The following PXDNL variants were observed in gnomAD, a reference collection of about 807,000 sequenced individuals.
PXDNL encodes probable oxidoreductase PXDNL.
PXDNL carries 145 observed loss-of-function variants against 150.8 expected under a neutral mutation model. The ratio of observed to expected loss-of-function variants is 0.96; its 90% CI spans 0.84 to 1.10. The LOEUF (loss-of-function observed/expected upper bound fraction) is 1.10, where lower values mean the gene tolerates loss of function less well. Ranked by LOEUF, PXDNL falls within the 50% of genes least tolerant of loss-of-function variation. PXDNL has a pLI of 0.00. For missense variants in PXDNL, 2,087 were observed against 1,873.9 expected, an observed-to-expected ratio of 1.11 and a Z score of -2.10; for synonymous variants, 757 against 725.7, an observed-to-expected ratio of 1.04 and a Z score of -0.69.
intron 9 of PXDNL, among the ~76,000 whole-genome samples, chr8:51,454,798 G>A (rs1809889427): frequency 6.6e-6 from 1 of 152,194 alleles, no homozygotes; most frequent in Admixed American, 6.5e-5. Flanking sequence ...GAAAGATACA[G>A]AGATGAACAA....
intron 4 of PXDNL, among the ~76,000 whole-genome samples, chr8:51,530,062 T>G (rs573095731): frequency 1.9e-4 from 29 of 152,222 alleles, no homozygotes; most frequent in Non-Finnish European, 3.8e-4. Context: ...TTCTTGTGGA[T>G]ATAGGTTGAA....
intron 1 of PXDNL, among the ~76,000 whole-genome samples, chr8:51,801,563 T>C (rs2037620955): frequency 6.6e-6 from 1 of 152,130 alleles, no homozygotes; most frequent in Non-Finnish European, 1.5e-5. Context: ...GAGGCCCAGC[T>C]GTAAAATTCC....
intron 17 of PXDNL, among the ~76,000 whole-genome samples, chr8:51,387,114 ACCT>A (rs2130826754): frequency 6.6e-6 from 1 of 152,240 alleles, no homozygotes; most frequent in East Asian, 1.9e-4. Context: ...TATAGTTAAG[ACCT>A]CCTCAACTGT....
At chr8:51,680,301 CTTCAAAA>C (rs1485382395) in intron 1 of PXDNL, among the ~76,000 whole-genome samples, 9 of 152,156 alleles carry the variant, frequency 5.9e-5, no homozygotes, top group Non-Finnish European at 1.3e-4. Flanking sequence ...GAGTTGTCGT[CTTCAAAA>C]CACAGAAAAC....
chr8:51,655,416 G>A (rs769027346), intron 1 of PXDNL, among the ~76,000 whole-genome samples: 29 of 152,182 alleles, frequency 1.9e-4, no homozygotes, highest in Non-Finnish European at 3.4e-4. Context: ...CTGCTACTGA[G>A]CACAGATAGT....
chr8:51,690,224 G>T (rs971247306), intron 1 of PXDNL, among the ~76,000 whole-genome samples: 23 of 152,056 alleles, frequency 1.5e-4, no homozygotes, highest in Non-Finnish European at 2.6e-4. Context: ...CAATGTGCAG[G>T]TTAGTTACAT....
At chr8:51,540,039 C>G (rs1216066024) in intron 4 of PXDNL, among the ~76,000 whole-genome samples, 1 of 151,818 alleles carries the variant, frequency 6.6e-6, no homozygotes, top group Non-Finnish European at 1.5e-5. Context: ...ACTGGGACTA[C>G]AGGTGCACAC....
chr8:51,560,398 A>C (rs138261307), intron 3 of PXDNL, among the ~76,000 whole-genome samples: 198 of 152,142 alleles, frequency 1.3e-3, no homozygotes, highest in Non-Finnish European at 2.4e-3. Context: ...AAGATTTTAC[A>C]CTTTCTGATT....
intron 2 of PXDNL, among the ~76,000 whole-genome samples, chr8:51,616,538 G>C (rs1434462209): frequency 6.6e-6 from 1 of 152,158 alleles, no homozygotes; most frequent in Non-Finnish European, 1.5e-5. Flanking sequence ...GTATCTGTGA[G>C]GCATTGGTTC....
intron 4 of PXDNL, among the ~76,000 whole-genome samples, chr8:51,524,254 G>A (rs1811721240): frequency 6.6e-6 from 1 of 152,062 alleles, no homozygotes; most frequent in African/African-American, 2.4e-5. Context: ...CTGTTTTCTT[G>A]TAATGAAAAC....
chr8:51,681,101 C>T (rs539554475), intron 1 of PXDNL, among the ~76,000 whole-genome samples: 1 of 152,234 alleles, frequency 6.6e-6, no homozygotes, highest in Non-Finnish European at 1.5e-5. Flanking sequence ...GACTGGTGCA[C>T]CTTTTTCAGT....
In PXDNL at chr8:51,423,650, C is replaced by A; in HGVS notation, c.1720G>T (p.Asp574Tyr). ...GCCACACATTCATATCTTCCCTGGTCAGGGAACCCTGCGTCGTAGATAGTC... is the reference window on the plus strand; with the variant it reads ...GCCACACATTCATATCTTCCCTGGTAAGGGAACCCTGCGTCGTAGATAGTC... Reference protein sequence around the residue: ...TLTIYDAGFPDQGRYECVARN... With the variant: ...TLTIYDAGFPYQGRYECVARN... The change falls in exon 14 of 23, where the codon GAC becomes TAC. Residue 574 changes from aspartate (D) to tyrosine (Y), a missense_variant. Physicochemically the swap from Asp to Tyr is radical, Grantham distance 160. Transcript: ENST00000356297. The A allele has an allele frequency of 6.2e-7, 1 of 1,613,928 alleles. No individual in the cohort carries two copies. Among genetic ancestry groups the A allele is most frequent in the Non-Finnish European group, 8.5e-7 (1 of 1,179,846 alleles).
At chr8:51,576,335 TA>T (rs1424166377) in intron 3 of PXDNL, among the ~76,000 whole-genome samples, 4 of 151,558 alleles carry the variant, frequency 2.6e-5, no homozygotes, top group African/African-American at 9.7e-5. Flanking sequence ...ATACAGAGTA[TA>T]TTTCCTGAAC....
At chr8:51,449,208 ATGTG>A (rs1809750485) in intron 10 of PXDNL, 90 bp from the exon 11 acceptor site, 1 of 702,984 alleles carries the variant, frequency 1.4e-6, no homozygotes, top group Non-Finnish European at 2.4e-6. Flanking sequence ...CAAATATGTC[ATGTG>A]ATCAGAATTT....
chr8:51,390,270 T>A (rs900345870), intron 17 of PXDNL, among the ~76,000 whole-genome samples: 1 of 152,196 alleles, frequency 6.6e-6, no homozygotes, highest in Admixed American at 6.5e-5. Context: ...GGCTCATAAG[T>A]ATTTGCAAAG....
chr8:51,386,462 G>A (rs905989373), intron 17 of PXDNL, among the ~76,000 whole-genome samples: 10 of 152,034 alleles, frequency 6.6e-5, no homozygotes, highest in African/African-American at 2.4e-4. Flanking sequence ...ATAGATAGAT[G>A]ACTGATAGAA....
At chr8:51,668,584 A>G (rs955166626) in intron 1 of PXDNL, among the ~76,000 whole-genome samples, 4 of 152,172 alleles carry the variant, frequency 2.6e-5, no homozygotes, top group African/African-American at 9.7e-5. Context: ...AGGGTCTACA[A>G]CATGTCTGTA....
chr8:51,572,363 A>G (rs973574689), intron 3 of PXDNL, among the ~76,000 whole-genome samples: 1 of 151,956 alleles, frequency 6.6e-6, no homozygotes, highest in African/African-American at 2.4e-5. Context: ...GTATATCTGT[A>G]CAAAGGAATA....
intron 10 of PXDNL, 28 bp downstream of exon 10, chr8:51,453,491 T>A (rs746202724): frequency 1.5e-5 from 24 of 1,605,920 alleles, no homozygotes; most frequent in Non-Finnish European, 2.0e-5. Context: ...AGGAGGAACA[T>A]TTCAATCATG....
Sources: gnomAD v4.1 joint callset for allele counts (sites outside exome capture counted in the v4.1 genomes callset) on GRCh38, gnomAD v4.1.1 for gene constraint, MANE v1.5 for transcripts, NCBI Gene and HGNC (gene_info 2026-07-23, HGNC 2026-07-21) for gene names.